The following NOX4 variants were observed in gnomAD, a reference collection of about 807,000 sequenced individuals.
The protein encoded by NOX4 is NADPH oxidase 4, also known as kidney oxidase-1.
In NOX4, 69 loss-of-function variants were observed where a neutral mutation model predicts 87.6. The ratio of observed to expected loss-of-function variants is 0.79; its 90% CI spans 0.65 to 0.96. The LOEUF (loss-of-function observed/expected upper bound fraction) is 0.96. Among genes scored for constraint, NOX4 ranks in the 40% least tolerant of loss-of-function variants. NOX4 has a pLI of 0.00. For synonymous variants in NOX4, 275 were observed against 238.2 expected, an observed-to-expected ratio of 1.15 and a Z score of -1.42; for missense variants, 680 against 681.5, an observed-to-expected ratio of 1.00 and a Z score of 0.02.
intron 6 of NOX4, among the ~76,000 whole-genome samples, chr11:89,438,978 ATATAT>A (rs1337496580): frequency 2.9e-4 from 29 of 101,138 alleles, no homozygotes; most frequent in Middle Eastern, 6.8e-3. Flanking sequence ...ATATATAATT[ATATAT>A]TATATTATTA....
chr11:89,499,883 AT>A (rs1946999412), upstream of NOX4, among the ~76,000 whole-genome samples: 2 of 152,018 alleles, frequency 1.3e-5, no homozygotes, highest in African/African-American at 4.8e-5. Flanking sequence ...TCTCATTATT[AT>A]TTATCATTCT....
At chr11:89,451,731 C>T (rs554821561) in intron 3 of NOX4, 54 bp downstream of exon 3, 1 of 1,196,442 alleles carries the variant, frequency 8.4e-7, no homozygotes, top group East Asian at 2.3e-5. Flanking sequence ...TAACATGCGA[C>T]TGTTACACTT....
chr11:89,484,246 G>C (rs1946499750), intron 2 of NOX4, among the ~76,000 whole-genome samples: 1 of 152,040 alleles, frequency 6.6e-6, no homozygotes, highest in African/African-American at 2.4e-5. Flanking sequence ...TTAGCATTTA[G>C]CTATATATCA....
At chr11:89,422,219 G>C (rs1392057655) in intron 7 of NOX4, among the ~76,000 whole-genome samples, 1 of 152,002 alleles carries the variant, frequency 6.6e-6, no homozygotes, top group Non-Finnish European at 1.5e-5. Context: ...AAGACACATG[G>C]AAATAATAAA....
the NOX4 span, among the ~76,000 whole-genome samples, chr11:89,573,875 T>C: frequency 6.6e-6 from 1 of 152,128 alleles, no homozygotes; most frequent in African/African-American, 2.4e-5. Flanking sequence ...GTGCCCTCTT[T>C]ACGCTTGGGA....
In NOX4 at chr11:89,394,420, A is replaced by G. The variant is rs865898851; in HGVS notation, c.1074+5597T>C. Among the ~76,000 whole-genome samples, 45 of 152,144 alleles carry G rather than the reference A, an allele frequency of 3.0e-4. 1 individual carries two copies. Among genetic ancestry groups the G allele is most frequent in the Admixed American group, 3.9e-4 (6 of 15,246 alleles). ...AGCAACTGATTTCTTTTCTTATTCC[A>G]TATTTCCTATTTAATGTTATGGTGA... On this transcript the variant is annotated intron_variant, in intron 11 of 17. Transcript: ENST00000263317.
chr11:89,531,618 A>AGTGAGT, the NOX4 span, among the ~76,000 whole-genome samples: 2 of 152,200 alleles, frequency 1.3e-5, no homozygotes, highest in African/African-American at 4.8e-5. Flanking sequence ...TTCTCATGAC[A>AGTGAGT]GTGAGTGAGT....
At chr11:89,566,062 A>G in the NOX4 span, among the ~76,000 whole-genome samples, 1 of 98,488 alleles carries the variant, frequency 1.0e-5, no homozygotes, top group African/African-American at 4.4e-5. Context: ...TTTTTTTTTG[A>G]GACAGAGTTG....
the NOX4 span, among the ~76,000 whole-genome samples, chr11:89,516,098 C>T: frequency 6.6e-6 from 1 of 151,646 alleles, no homozygotes; most frequent in Non-Finnish European, 1.5e-5. Context: ...TTATTAATTT[C>T]TTTAGATCTG....
At chr11:89,334,272 G>A (rs1945606400) in intron 17 of NOX4, among the ~76,000 whole-genome samples, 1 of 151,674 alleles carries the variant, frequency 6.6e-6, no homozygotes, top group South Asian at 2.1e-4. Context: ...GGAGAAAGAT[G>A]GGAAAGGAAG....
At position 89,326,117 on chromosome 11, in the gene NOX4, T is replaced by C. The variant is rs550665477; in HGVS notation, c.*639A>G. On this transcript the variant is annotated 3_prime_UTR_variant, in exon 18 of 18. Transcript: ENST00000263317. ...AGAGAGAGGAATAAAAAGAAAAAAA[T>C]ATATAAAAATAGATACTATAACAAC... is the stretch of plus-strand genomic sequence containing the variant. 3.0e-4 allele frequency: 45 copies of C among 151,460 alleles called. No homozygotes were observed. The highest frequency in any genetic ancestry group is 1.1e-3 in the African/African-American group (44 of 41,362). 9.4% of individuals were successfully genotyped at this position (151,460 alleles called of 1,614,324 possible).
At chr11:89,407,431 C>G (rs1389180071) in intron 8 of NOX4, among the ~76,000 whole-genome samples, 1 of 151,998 alleles carries the variant, frequency 6.6e-6, no homozygotes, top group Non-Finnish European at 1.5e-5. Context: ...TATGATGTTC[C>G]AAGGAGAAAT....
the NOX4 span, among the ~76,000 whole-genome samples, chr11:89,514,252 C>T: frequency 1.3e-5 from 2 of 151,536 alleles, no homozygotes; most frequent in Non-Finnish European, 2.9e-5. Flanking sequence ...GTAGTTTTTT[C>T]TTTTGAATGC....
At chr11:89,374,611 A>T (rs1432170766) in intron 11 of NOX4, among the ~76,000 whole-genome samples, 1 of 152,212 alleles carries the variant, frequency 6.6e-6, no homozygotes, top group African/African-American at 2.4e-5. Flanking sequence ...CAATAAAAAG[A>T]CAAGACAAAA....
At chr11:89,395,984 C>T (rs1941457397) in intron 11 of NOX4, among the ~76,000 whole-genome samples, 1 of 152,078 alleles carries the variant, frequency 6.6e-6, no homozygotes, top group African/African-American at 2.4e-5. Flanking sequence ...CTTGGCAATA[C>T]AGGCTCTTTT....
In NOX4 at chr11:89,325,924, T is replaced by TATATACATATATATATCC. The variant is rs1565160031; in HGVS notation, c.*831_*832insGGATATATATATGTATAT. The TATATACATATATATATCC allele has an allele frequency of 6.8e-6, 1 of 147,802 alleles. No individual in the cohort carries two copies. The highest frequency in any genetic ancestry group is 2.5e-5 in the African/African-American group (1 of 40,644). The allele number at this position is 147,802 out of a possible 1,614,324, so 9.2% of individuals were successfully genotyped here. ...ATATATATATATGTGTGTGTGTGTG[T>TATATACATATATATATCC]ATATATATATGTGTATATACATATA... On this transcript the variant is annotated 3_prime_UTR_variant, in exon 18 of 18. Coordinates refer to ENST00000263317, the MANE Select transcript of NOX4 (RefSeq NM_016931.5).
At position 89,402,533 on chromosome 11, in the gene NOX4, C is replaced by T. The variant is rs775048304; in HGVS notation, c.639G>A (p.Leu213=). The T allele has an allele frequency of 6.2e-7, 1 of 1,609,062 alleles. No homozygotes were observed. Among genetic ancestry groups the T allele is most frequent in the East Asian group, 2.2e-5 (1 of 44,764 alleles). The part of the protein sequence containing the change: ...LLTLHVSGGL[L]KYQTNLDTHP... ...GGGTATCTAAATTAGTTTGATACTT[C>T]AGCAGCCCTCTAAAATTACATTTAA... The change falls in exon 9 of 18, where the codon CTG becomes CTA. Residue 213 remains leucine (L), a synonymous_variant. Transcript: ENST00000263317.
At chr11:89,517,632 A>AT in the NOX4 span, among the ~76,000 whole-genome samples, 204 of 148,592 alleles carry the variant, frequency 1.4e-3, 2 homozygotes, top group East Asian at 0.016. Flanking sequence ...CAACTGGCTA[A>AT]TTTTTTTTTT....
At chr11:89,438,858 T>TAATATC (rs1565293691) in intron 6 of NOX4, among the ~76,000 whole-genome samples, 3 of 43,826 alleles carry the variant, frequency 6.8e-5, no homozygotes, top group Non-Finnish European at 9.5e-5. Flanking sequence ...ATATAATATA[T>TAATATC]TATATATTAT....
Sources: gnomAD v4.1 joint callset for allele counts (sites outside exome capture counted in the v4.1 genomes callset) on GRCh38, gnomAD v4.1.1 for gene constraint, MANE v1.5 for transcripts, NCBI Gene and HGNC (gene_info 2026-07-23, HGNC 2026-07-21) for gene names.